The following AHI1 variants were observed in gnomAD, a reference collection of about 807,000 sequenced individuals.
AHI1 encodes the protein Abelson helper integration site 1.
Under a neutral mutation model 149.3 loss-of-function variants are expected in AHI1, and 123 were observed. That is an observed-to-expected ratio of 0.82 (90% confidence interval 0.71 to 0.96). AHI1 has a LOEUF of 0.96. AHI1 is among the 40% of genes least tolerant of loss of function. AHI1 has a pLI of 0.00. For synonymous variants in AHI1, 475 were observed against 459.8 expected (o/e 1.03, Z -0.42); for missense variants, 1,439 against 1,422.7 (o/e 1.01, Z -0.18).
chr6:135,440,430 T>G (rs752275039), intron 14 of AHI1, among the ~76,000 whole-genome samples: 1 of 152,106 alleles, frequency 6.6e-6, no homozygotes, highest in Admixed American at 6.6e-5. Flanking sequence ...GAGATGTCCA[T>G]AGGGGACACT....
At chr6:135,413,821 A>C (rs890417193) in intron 20 of AHI1, among the ~76,000 whole-genome samples, 1 of 152,182 alleles carries the variant, frequency 6.6e-6, no homozygotes, top group Non-Finnish European at 1.5e-5. Context: ...AAAGACCTGT[A>C]TACTGAAAAC....
chr6:135,293,565 G>A (rs1404245972), intron 27 of AHI1, among the ~76,000 whole-genome samples: 3 of 144,588 alleles, frequency 2.1e-5, no homozygotes, highest in Non-Finnish European at 4.5e-5. Context: ...TAGTAGGTTC[G>A]CATAAAACAA....
At chr6:135,414,978 A>G (rs1184825523) in intron 20 of AHI1, among the ~76,000 whole-genome samples, 1 of 75,734 alleles carries the variant, frequency 1.3e-5, no homozygotes, top group African/African-American at 5.4e-5. Flanking sequence ...CCCACCCCAC[A>G]ACAGGCCCCA....
intron 23 of AHI1, among the ~76,000 whole-genome samples, chr6:135,385,033 G>A (rs1236659063): frequency 2.6e-5 from 4 of 152,072 alleles, no homozygotes; most frequent in Admixed American, 6.6e-5. Context: ...AGGTTGCAGT[G>A]ATCCGAGATC....
intron 24 of AHI1, among the ~76,000 whole-genome samples, chr6:135,329,939 C>G (rs1304328108): frequency 6.6e-6 from 1 of 152,156 alleles, no homozygotes; most frequent in African/African-American, 2.4e-5. Context: ...GTGGAAACAG[C>G]AAGAAAACTA....
intron 23 of AHI1, among the ~76,000 whole-genome samples, chr6:135,381,185 A>G (rs1776715472): frequency 6.6e-6 from 1 of 152,160 alleles, no homozygotes; most frequent in Non-Finnish European, 1.5e-5. Context: ...CTACTGAAGA[A>G]GGGAAAAAAA....
chr6:135,293,751 A>C lies in AHI1; in HGVS notation c.3486-3226T>G, dbSNP rs565326628. ...AAAGAAGTTGTAAATAAATGCAAAG[A>C]TATATCATGTTAATGACTCAGATGA... On this transcript the variant is annotated intron_variant, in intron 27 of 28. Coordinates refer to ENST00000265602, the MANE Select transcript of AHI1 (RefSeq NM_001134831.2). Among the ~76,000 whole-genome samples the C allele has an allele frequency of 1.8e-4, 27 of 152,372 alleles. No individual in the cohort carries two copies. The South Asian group carries it at 5.6e-3, about 32-fold the overall frequency.
chr6:135,406,074 A>C (rs1780757163), intron 21 of AHI1, among the ~76,000 whole-genome samples: 1 of 152,142 alleles, frequency 6.6e-6, no homozygotes, highest in Non-Finnish European at 1.5e-5. Flanking sequence ...TAGTCATAAT[A>C]TAAATCATTT....
chr6:135,458,787 A>G (rs2065086), intron 8 of AHI1, among the ~76,000 whole-genome samples: 149,191 of 152,228 alleles, frequency 0.98, 73,118 homozygotes, highest in East Asian at 1. Flanking sequence ...ATTTTGAAGC[A>G]GCATGAGACA....
intron 5 of AHI1, among the ~76,000 whole-genome samples, chr6:135,485,222 C>T (rs1368222149): frequency 2.0e-5 from 3 of 151,954 alleles, no homozygotes; most frequent in Admixed American, 6.6e-5. Context: ...AACAGGTACA[C>T]AACATCATGC....
chr6:135,431,153 T>G, intron 17 of AHI1, 55 bp downstream of exon 17: 1 of 1,194,722 alleles, frequency 8.4e-7, no homozygotes, highest in Non-Finnish European at 1.2e-6. Flanking sequence ...GTCATGTGAT[T>G]GGATTTTTCC....
At chr6:135,343,283 C>G (rs1309703247) in intron 24 of AHI1, among the ~76,000 whole-genome samples, 3 of 151,564 alleles carry the variant, frequency 2.0e-5, no homozygotes, top group African/African-American at 7.3e-5. Flanking sequence ...TTAAACAGAC[C>G]TAAATAAATG....
At position 135,383,226 on chromosome 6, in the gene AHI1, C is replaced by CTTTTTTTTTTTTTTTT. The variant is rs764546253; in HGVS notation, c.3109+11534_3109+11549dup. On this transcript the variant is annotated intron_variant, in intron 23 of 28. Coordinates refer to ENST00000265602, the MANE Select transcript of AHI1 (RefSeq NM_001134831.2). ...GATTGATTCCTTCCTTCCCCCCTCC[C>CTTTTTTTTTTTTTTTT]TTTTTTTTTTTTTTTTTTTTTGAGA... Among the ~76,000 whole-genome samples the CTTTTTTTTTTTTTTTT allele has an allele frequency of 3.2e-3, 243 of 76,866 alleles. 85 individuals are homozygous for CTTTTTTTTTTTTTTTT. Among genetic ancestry groups the CTTTTTTTTTTTTTTTT allele is most frequent in the African/African-American group, 0.014 (213 of 15,036 alleles). 50.4% of individuals were successfully genotyped at this position (76,866 alleles called of 152,430 possible).
chr6:135,383,226 CTTTTTTTTTT>C (rs764546253), intron 23 of AHI1, among the ~76,000 whole-genome samples: 1 of 76,870 alleles, frequency 1.3e-5, no homozygotes. Flanking sequence ...TCCCCCCTCC[CTTTTTTTTTT>C]TTTTTTTTTT....
At chr6:135,331,597 G>A (rs1788604356) in intron 24 of AHI1, among the ~76,000 whole-genome samples, 1 of 152,182 alleles carries the variant, frequency 6.6e-6, no homozygotes, top group Non-Finnish European at 1.5e-5. Flanking sequence ...CCAGTGTACT[G>A]AGGGAACACC....
intron 28 of AHI1, among the ~76,000 whole-genome samples, chr6:135,287,500 G>C (rs1222013141): frequency 6.6e-6 from 1 of 152,188 alleles, no homozygotes; most frequent in Non-Finnish European, 1.5e-5. Flanking sequence ...TGGCACACTG[G>C]CTTGATGAAC....
intron 23 of AHI1, among the ~76,000 whole-genome samples, chr6:135,378,232 G>A (rs139642534): frequency 6.6e-6 from 1 of 152,222 alleles, no homozygotes; most frequent in African/African-American, 2.4e-5. Context: ...GGCTATGCCA[G>A]TCTTTAATAA....
intron 22 of AHI1, among the ~76,000 whole-genome samples, chr6:135,398,693 TTC>T (rs1333143369): frequency 6.6e-6 from 1 of 152,200 alleles, no homozygotes; most frequent in Non-Finnish European, 1.5e-5. Context: ...TTACCTCCTT[TTC>T]TCTCTTAGTT....
chr6:135,333,537 AAGAT>A (rs1413566308), intron 24 of AHI1, among the ~76,000 whole-genome samples: 1 of 152,220 alleles, frequency 6.6e-6, no homozygotes, highest in Non-Finnish European at 1.5e-5. Flanking sequence ...TAAGAAAACA[AAGAT>A]AAAGAAAGTA....
Sources: allele counts gnomAD v4.1 joint callset (sites outside exome capture counted in the v4.1 genomes callset), GRCh38; gene constraint gnomAD v4.1.1; transcripts MANE v1.5; gene names NCBI Gene and HGNC (gene_info 2026-07-23, HGNC 2026-07-21).